The following COL7A1 variants were observed in gnomAD, a reference collection of about 807,000 sequenced individuals.
COL7A1 encodes the protein collagen alpha-1(VII) chain.
COL7A1 carries 296 observed loss-of-function variants against 456.2 expected under a neutral mutation model. The ratio of observed to expected loss-of-function variants is 0.65; its 90% CI spans 0.59 to 0.71. COL7A1 has a LOEUF of 0.71. Ranked by LOEUF, COL7A1 falls within the 30% of genes least tolerant of loss-of-function variation. The probability of loss-of-function intolerance (pLI) is 0.00; values close to 1 mark genes in which losing one functional copy is unlikely to be tolerated. For missense variants in COL7A1, 3,441 were observed against 4,017.2 expected (o/e 0.86, Z 3.88); for synonymous variants, 1,464 against 1,525.9 (o/e 0.96, Z 0.95).
chr3:48,572,656 AG>A lies in COL7A1; in HGVS notation c.6900+14del, dbSNP rs1345585548. 6.2e-7 allele frequency: 1 copy of A among 1,602,440 alleles called. No homozygotes were observed. The highest frequency in any genetic ancestry group is 8.5e-7 in the Non-Finnish European group (1 of 1,174,690). ...GGAGTTGCTGCAGGGGGTGGAAGTC[AG>A]GGTCAAAGATCACCTGTCCAGGGGC... On this transcript the variant is annotated intron_variant, in intron 88 of 118. Coordinates refer to ENST00000681320, the MANE Select transcript of COL7A1 (RefSeq NM_000094.4). This position sits in a 1 kb window ranked among gnomAD's most constrained non-coding sequence, Gnocchi z 4.6.
chr3:48,584,170 A>G, intron 37 of COL7A1, 109 bp from the exon 38 acceptor site: 4 of 1,590,452 alleles, frequency 2.5e-6, no homozygotes, highest in Non-Finnish European at 2.6e-6. Flanking sequence ...TTTTGGGAGA[A>G]CTGAGGCGTC....
In COL7A1 at chr3:48,571,619, A is replaced by C. The variant is rs1277147340; in HGVS notation, c.7069-341T>G. The C allele has an allele frequency of 6.1e-6, 4 of 654,086 alleles. No homozygotes were observed. Among genetic ancestry groups the C allele is most frequent in the African/African-American group, 1.8e-5 (1 of 56,096 alleles). The allele number at this position is 654,086 out of a possible 1,614,324, so 40.5% of individuals were successfully genotyped here. On this transcript the variant is annotated intron_variant, in intron 92 of 118. Transcript: ENST00000681320. The surrounding 1 kb of genome is among the most constrained non-coding windows in gnomAD (Gnocchi z 4.6). ...AACCCCAACACGTCCACTCCCGGGT[A>C]GAGCAGGCATGGCCACAGGCTGAAC... is the stretch of plus-strand genomic sequence containing the variant.
rs530442803 is a variant in COL7A1 at position 48,585,558 on chromosome 3, C to T, written c.3893G>A (p.Arg1298Lys). The change falls in exon 32 of 119, where the codon AGG becomes AAG. Residue 1298 changes from arginine to lysine, a missense_variant and splice_region_variant. By Grantham distance (26) the Arg-to-Lys change is conservative. Around this residue, in one of 3 missense-constraint regions of COL7A1, gnomAD observed 2,084 missense variants for 2,501.3 expected, o/e 0.83. Coordinates refer to ENST00000681320, the MANE Select transcript of COL7A1 (RefSeq NM_000094.4). The surrounding 1 kb of genome is among the most constrained non-coding windows in gnomAD (Gnocchi z 4.5). ...AACCTCGATGGTCTCCACACTCACC[C>T]TCTCGCCCTTGGCAGTGGCACTTCC... ...PPGSATAKGE[R>K]GFPGADGRPG... 510 of 1,613,854 alleles carry T rather than the reference C, an allele frequency of 3.2e-4. 6 individuals carry two copies. In the South Asian group the frequency reaches 5.3e-3, roughly 17 times the overall value.
Position 48,591,752 on chromosome 3 carries a change from C to A in COL7A1, c.1428G>T (p.Pro476=). 6.2e-7 allele frequency: 1 copy of A among 1,614,112 alleles called. No homozygotes were observed. The highest frequency in any genetic ancestry group is 8.5e-7 in the Non-Finnish European group (1 of 1,179,996). The stretch of plus-strand genomic sequence containing the variant: ...AGAGTGTGAGGCGGTACTCAGTGCC[C>A]GGCTGCAGCCCATCCAACTGGTAGC... ...VTRYQLDGLQ[P]GTEYRLTLYT... The change falls in exon 12 of 119, where the codon CCG becomes CCT. Residue 476 remains proline, a synonymous_variant. Transcript: ENST00000681320. This position sits in a 1 kb window ranked among gnomAD's most constrained non-coding sequence, Gnocchi z 7.0.
rs759684357 is a variant in COL7A1, at chr3:48,583,700, T to C, written c.4341+18A>G. 1 of 1,613,948 alleles carries C rather than the reference T, an allele frequency of 6.2e-7. No individual in the cohort carries two copies. ...CTCCCACCCCAGAACTGGGACATCA[T>C]CAAGTCAGCCTTCCTACTTTTTCTC... On this transcript the variant is annotated intron_variant, in intron 40 of 118. Coordinates refer to ENST00000681320, the MANE Select transcript of COL7A1 (RefSeq NM_000094.4). This position sits in a 1 kb window ranked among gnomAD's most constrained non-coding sequence, Gnocchi z 5.1.
In COL7A1 at chr3:48,575,286, C is replaced by G; in HGVS notation, c.6181-44G>C. Reference sequence around the variant, plus strand: ...GTGAGGGCCAAGCCCATGGGGGGTCCCACCCCTCCCAACCCCTCTTCCCTC... The same window carrying G: ...GTGAGGGCCAAGCCCATGGGGGGTCGCACCCCTCCCAACCCCTCTTCCCTC... On this transcript the variant is annotated intron_variant, in intron 74 of 118. Transcript: ENST00000681320. This position sits in a 1 kb window ranked among gnomAD's most constrained non-coding sequence, Gnocchi z 6.3. 7.7e-7 allele frequency: 1 copy of G among 1,294,534 alleles called. No individual in the cohort carries two copies. The highest frequency in any genetic ancestry group is 1.1e-6 in the Non-Finnish European group (1 of 925,556). 80.2% of individuals were successfully genotyped at this position (1,294,534 alleles called of 1,614,324 possible). A position where few individuals can be genotyped will look rare whatever the true frequency, so the allele number is the denominator to read the frequency against.
At position 48,569,755 on chromosome 3, in the gene COL7A1, A is replaced by G. The variant is rs376929861; in HGVS notation, c.7527T>C (p.Asp2509=). The G allele has an allele frequency of 1.2e-6, 2 of 1,613,932 alleles. No homozygotes were observed. The highest frequency in any genetic ancestry group is 1.3e-5 in the African/African-American group (1 of 74,862). ...CACCCTTTAGTCCTGCACTCCCAAC[A>G]TCACCCTATTGGGCAAAAGAGTGTG... The part of the protein sequence containing the change: ...GSRGERGEKG[D]VGSAGLKGDK... The change falls in exon 101 of 119, where the codon GAT becomes GAC. Residue 2509 remains aspartate, a synonymous_variant. Transcript: ENST00000681320. This position sits in a 1 kb window ranked among gnomAD's most constrained non-coding sequence, Gnocchi z 4.9.
At position 48,568,384 on chromosome 3, in the gene COL7A1, C is replaced by T; in HGVS notation, c.7794+115G>A. ...TGGGGGACCCTGGGTGACATGAGGA[C>T]ACCATGAGAGCACTGGGTCACTATA... On this transcript the variant is annotated intron_variant, in intron 105 of 118. Transcript: ENST00000681320. The surrounding 1 kb of genome is among the most constrained non-coding windows in gnomAD (Gnocchi z 5.2). The T allele has an allele frequency of 8.5e-7, 1 of 1,169,944 alleles. No individual in the cohort carries two copies. The highest frequency in any genetic ancestry group is 1.2e-6 in the Non-Finnish European group (1 of 804,250). The allele number at this position is 1,169,944 out of a possible 1,614,324, so 72.5% of individuals were successfully genotyped here.
At chr3:48,589,807 G>A (rs1421405694) in intron 16 of COL7A1, 89 bp from the exon 17 acceptor site, 1 of 1,587,582 alleles carries the variant, frequency 6.3e-7, no homozygotes, top group Non-Finnish European at 8.6e-7. Context: ...AGTCTAACAG[G>A]AGACGGGAAT....
chr3:48,586,545 G>A lies in COL7A1; in HGVS notation c.3403+18C>T, dbSNP rs1575473455. On this transcript the variant is annotated intron_variant, in intron 26 of 118. Transcript: ENST00000681320. This position sits in a 1 kb window ranked among gnomAD's most constrained non-coding sequence, Gnocchi z 5.1. ...CCAGTGGATAGCCCCAGGAGTCCAT[G>A]CCTGCTGCAGTCCTCACCCAGGTTG... 2 of 1,613,732 alleles carry A rather than the reference G, an allele frequency of 1.2e-6. No individual in the cohort carries two copies. The highest frequency in any genetic ancestry group is 1.7e-6 in the Non-Finnish European group (2 of 1,180,030).
Position 48,576,710 on chromosome 3 carries a change from G to T in COL7A1, c.5666C>A (p.Pro1889Gln). The change falls in exon 68 of 119, where the codon CCA becomes CAA. Residue 1889 changes from proline (P) to glutamine (Q), a missense_variant. Pro to Gln is a moderately conservative substitution (Grantham distance 76). This residue lies in a region of COL7A1 where 2,084 missense variants were observed against 2,501.3 expected (regional missense o/e 0.83). Transcript: ENST00000681320. ...AGGGCCCACTGGCCCTGGGAGGCCT[G>T]GAGGCCCCTGGGGTCCAAGGATACC... The part of the protein sequence containing the change: ...APGILGPQGP[P>Q]GLPGPVGPPG... The T allele has an allele frequency of 6.2e-7, 1 of 1,609,768 alleles. No homozygotes were observed. The highest frequency in any genetic ancestry group is 2.2e-5 in the East Asian group (1 of 44,768).
Position 48,576,763 on chromosome 3 carries a change from A to G in COL7A1, c.5613T>C (p.Asp1871=). ...DSGASGREGR[D]GPKGERGAPG... ...GAGCTCCACGCTCACCCTTGGGGCC[A>G]TCACGACCCTGTGAAGGATGCAGCC... is the stretch of plus-strand genomic sequence containing the variant. Residue 1871 remains aspartate, a synonymous_variant, in exon 68 of 119, where the codon GAT becomes GAC. Coordinates refer to ENST00000681320, the MANE Select transcript of COL7A1 (RefSeq NM_000094.4). 2.5e-6 allele frequency: 4 copies of G among 1,613,468 alleles called. No individual in the cohort carries two copies. In the South Asian group the frequency reaches 3.3e-5, roughly 13 times the overall value.
Position 48,570,573 on chromosome 3 carries a change from C to G in COL7A1, c.7344+66G>C. ...CCCCAACACCCCACAGTGTGGCCCG[C>G]CCCATCCTAAGTCCTCACGAGGACA... On this transcript the variant is annotated intron_variant, in intron 96 of 118. Coordinates refer to ENST00000681320, the MANE Select transcript of COL7A1 (RefSeq NM_000094.4). This position sits in a 1 kb window ranked among gnomAD's most constrained non-coding sequence, Gnocchi z 5.5. The G allele has an allele frequency of 6.2e-7, 1 of 1,613,418 alleles. No individual in the cohort carries two copies. The highest frequency in any genetic ancestry group is 8.5e-7 in the Non-Finnish European group (1 of 1,179,568).
Position 48,580,384 on chromosome 3 carries a change from G to A in COL7A1, c.5053-40C>T, listed in dbSNP as rs756379560. 1.2e-6 allele frequency: 2 copies of A among 1,600,258 alleles called. No individual in the cohort carries two copies. The highest frequency in any genetic ancestry group is 8.5e-7 in the Non-Finnish European group (1 of 1,172,140). ...GGGTCAGGGCCACTCAAGGTAGGCA[G>A]CAGTTTGGGAGAGCTTTGGAAGCAC... On this transcript the variant is annotated intron_variant, in intron 55 of 118. Transcript: ENST00000681320. This position sits in a 1 kb window ranked among gnomAD's most constrained non-coding sequence, Gnocchi z 4.5.
rs1372943267 is a variant in COL7A1 at position 48,576,788 on chromosome 3, C to T, written c.5605-17G>A. 1 of 1,613,802 alleles carries T rather than the reference C, an allele frequency of 6.2e-7. No homozygotes were observed. The highest frequency in any genetic ancestry group is 8.5e-7 in the Non-Finnish European group (1 of 1,179,896). On this transcript the variant is annotated splice_polypyrimidine_tract_variant and intron_variant, in intron 67 of 118. Transcript: ENST00000681320. Reference sequence around the variant, plus strand: ...ATCACGACCCTGTGAAGGATGCAGCCAGCATCAGCACCCTGAGACCTCAGA... The same window carrying T: ...ATCACGACCCTGTGAAGGATGCAGCTAGCATCAGCACCCTGAGACCTCAGA...
chr3:48,582,535 G>T (rs2044841281), intron 45 of COL7A1, 22 bp from the exon 46 acceptor site: 1 of 1,613,912 alleles, frequency 6.2e-7, no homozygotes. Context: ...GAAAGTGTGA[G>T]CCCAGGAGGG....
Position 48,573,901 on chromosome 3 carries a change from A to C in COL7A1, c.6502-11T>G. On this transcript the variant is annotated splice_polypyrimidine_tract_variant and intron_variant, in intron 80 of 118. Coordinates refer to ENST00000681320, the MANE Select transcript of COL7A1 (RefSeq NM_000094.4). This position sits in a 1 kb window ranked among gnomAD's most constrained non-coding sequence, Gnocchi z 5.5. The stretch of plus-strand genomic sequence containing the variant: ...TGGACCCTGCAGACCCTACATAGAG[A>C]GGGCACTGATGAGCCTCAATCTGGG... 5 of 1,613,026 alleles carry C rather than the reference A, an allele frequency of 3.1e-6. No homozygotes were observed. The highest frequency in any genetic ancestry group is 3.4e-6 in the Non-Finnish European group (4 of 1,179,900).
rs2044537969 is a variant in COL7A1 at position 48,579,110 on chromosome 3, C to T, written c.5388+87G>A. Reference sequence around the variant, plus strand: ...GTCTCGCCCCAGAGCTCGTCAAGGCCAAGACCAACCAATGAGGCTGGGGTC... The same window carrying T: ...GTCTCGCCCCAGAGCTCGTCAAGGCTAAGACCAACCAATGAGGCTGGGGTC... On this transcript the variant is annotated intron_variant, in intron 62 of 118. Coordinates refer to ENST00000681320, the MANE Select transcript of COL7A1 (RefSeq NM_000094.4). The surrounding 1 kb of genome is among the most constrained non-coding windows in gnomAD (Gnocchi z 4.4). 4 of 1,572,494 alleles carry T rather than the reference C, an allele frequency of 2.5e-6. No homozygotes were observed. The East Asian group carries it at 6.7e-5, about 26-fold the overall frequency.
In COL7A1 at chr3:48,583,549, C is replaced by T. The variant is rs777149309; in HGVS notation, c.4401+7G>A. 42 of 1,613,922 alleles carry T rather than the reference C, an allele frequency of 2.6e-5. No individual in the cohort carries two copies. In the Admixed American group the frequency reaches 2.8e-4, roughly 11 times the overall value. ...CCATATTCAGAATCCCTGGCCCCTC[C>T]ACTCACCTGCTCACCCGGAGACCCA... On this transcript the variant is annotated splice_region_variant and intron_variant, in intron 41 of 118. Coordinates refer to ENST00000681320, the MANE Select transcript of COL7A1 (RefSeq NM_000094.4). The surrounding 1 kb of genome is among the most constrained non-coding windows in gnomAD (Gnocchi z 5.1).
Sources: gnomAD v4.1 joint callset for allele counts on GRCh38, gnomAD v4.1.1 for gene constraint, gnomAD v4.1.1 regional missense constraint, Gnocchi (gnomAD v3.1) non-coding constraint, MANE v1.5 for transcripts, NCBI Gene and HGNC (gene_info 2026-07-23, HGNC 2026-07-21) for gene names.